Variants in PLBD2 observed in about 807,000 individuals in gnomAD.
PLBD2 encodes phospholipase B domain containing 2.
PLBD2 carries 51 observed loss-of-function variants against 68.3 expected under a neutral mutation model. That is an observed-to-expected ratio of 0.75 (90% CI 0.60 to 0.94). The LOEUF is 0.94. Among genes scored for constraint, PLBD2 ranks in the 40% least tolerant of loss-of-function variants. The probability of loss-of-function intolerance (pLI) is 0.00; values close to 1 mark genes in which losing one functional copy is unlikely to be tolerated. For missense variants in PLBD2, 729 were observed against 792.2 expected (o/e 0.92, Z 0.96); for synonymous variants, 314 against 339.3 (o/e 0.93, Z 0.82).
intron 6 of PLBD2, among the ~76,000 whole-genome samples, chr12:113,382,058 A>G (rs1957496029): frequency 6.6e-6 from 1 of 152,150 alleles, no homozygotes; most frequent in Non-Finnish European, 1.5e-5. Flanking sequence ...CCTGGGTTGA[A>G]GGGATCCTCC....
At chr12:113,361,335 T>G (rs1051882354) in intron 1 of PLBD2, among the ~76,000 whole-genome samples, 1 of 148,572 alleles carries the variant, frequency 6.7e-6, no homozygotes, top group African/African-American at 2.5e-5. Context: ...AGGTTTTTTT[T>G]TTTTTGTTTT....
Position 113,358,618 on chromosome 12 carries a change from C to G in PLBD2, c.18C>G (p.Tyr6Ter). The change falls in exon 1 of 12, where the codon TAC becomes TAG. Residue 6 changes from tyrosine (Y) to a stop codon, truncating the protein, a stop_gained. Coordinates refer to ENST00000280800, the MANE Select transcript of PLBD2 (RefSeq NM_173542.4). LOFTEE classifies it high-confidence loss of function. MVGQM[Y>*]CYPGSHLARA... Reference sequence around the variant, plus strand: ...GTGCGGTCATGGTGGGCCAGATGTACTGCTACCCCGGCAGCCACCTGGCCC... The same window carrying G: ...GTGCGGTCATGGTGGGCCAGATGTAGTGCTACCCCGGCAGCCACCTGGCCC... 2.0e-6 allele frequency: 3 copies of G among 1,469,580 alleles called. No homozygotes were observed. Among genetic ancestry groups the G allele is most frequent in the East Asian group, 6.0e-5 (2 of 33,162 alleles). The allele number at this position is 1,469,580 out of a possible 1,614,324, so 91.0% of individuals were successfully genotyped here.
At chr12:113,382,764 C>A (rs1957503404) in intron 6 of PLBD2, among the ~76,000 whole-genome samples, 1 of 149,372 alleles carries the variant, frequency 6.7e-6, no homozygotes, top group African/African-American at 2.5e-5. Flanking sequence ...AAGAAAAAAT[C>A]ACATTTATGG....
At position 113,374,909 on chromosome 12, in the gene PLBD2, A is replaced by G. The variant is rs139554738; in HGVS notation, c.761A>G (p.Gln254Arg). 1.8e-3 allele frequency: 2,829 copies of G among 1,614,156 alleles called. 3 individuals carry two copies. The highest frequency in any genetic ancestry group is 2.2e-3 in the Non-Finnish European group (2,570 of 1,180,042). ...CSALIKLLPG[Q>R]SDLLVAHNTW... ...GCCCTCATCAAGCTGCTCCCTGGCC[A>G]GAGTGACCTCCTGGTTGCCCACAAC... The change falls in exon 5 of 12, where the codon CAG becomes CGG. Residue 254 changes from glutamine to arginine, a missense_variant. Transcript: ENST00000280800.
intron 6 of PLBD2, 79 bp downstream of exon 6, chr12:113,380,921 G>GC: frequency 7.3e-7 from 1 of 1,363,060 alleles, no homozygotes; most frequent in Non-Finnish European, 1.0e-6. Flanking sequence ...ATTGATTCCT[G>GC]CGGCAAGTGG....
In PLBD2 at chr12:113,386,918, C is replaced by G; in HGVS notation, c.1287-19C>G. 6.2e-7 allele frequency: 1 copy of G among 1,611,302 alleles called. No individual in the cohort carries two copies. ...TGAGGCCAGTGGGGGTCATGGGTGA[C>G]CATCCTTGTCCCCGGCAGGTCCTTC... On this transcript the variant is annotated intron_variant, in intron 9 of 11. Coordinates refer to ENST00000280800, the MANE Select transcript of PLBD2 (RefSeq NM_173542.4).
intron 9 of PLBD2, among the ~76,000 whole-genome samples, chr12:113,386,026 T>C (rs910749596): frequency 1.3e-5 from 2 of 152,228 alleles, no homozygotes; most frequent in African/African-American, 2.4e-5. Context: ...GCTGGGATTA[T>C]AGGCATAAGT....
intron 1 of PLBD2, among the ~76,000 whole-genome samples, chr12:113,360,389 G>A (rs536417673): frequency 1.7e-4 from 26 of 152,236 alleles, no homozygotes; most frequent in Non-Finnish European, 2.5e-4. Flanking sequence ...GCGAGGAGGG[G>A]CAGGAGCGAG....
chr12:113,362,670 A>C (rs1957305810), intron 1 of PLBD2, among the ~76,000 whole-genome samples: 1 of 152,072 alleles, frequency 6.6e-6, no homozygotes, highest in Non-Finnish European at 1.5e-5. Flanking sequence ...TGCATTAAAA[A>C]CAAAGGAGAG....
At position 113,384,022 on chromosome 12, in the gene PLBD2, T is replaced by A; in HGVS notation, c.958-83T>A. The A allele has an allele frequency of 1.7e-6, 2 of 1,147,652 alleles. No homozygotes were observed. Among genetic ancestry groups the A allele is most frequent in the East Asian group, 2.9e-5 (1 of 34,584 alleles). 71.1% of individuals were successfully genotyped at this position (1,147,652 alleles called of 1,614,324 possible). A position where few individuals can be genotyped will look rare whatever the true frequency, so the allele number is the denominator to read the frequency against. On this transcript the variant is annotated intron_variant, in intron 6 of 11. Coordinates refer to ENST00000280800, the MANE Select transcript of PLBD2 (RefSeq NM_173542.4). The surrounding 1 kb of genome is among the most constrained non-coding windows in gnomAD (Gnocchi z 4.2). ...AAAAAAAAAAAAAAAAAAAAAAAAT[T>A]TTTGGAGCCATGACTGATGAAGTAC...
intron 1 of PLBD2, 81 bp downstream of exon 1, chr12:113,358,971 G>C: frequency 7.2e-7 from 1 of 1,395,770 alleles, no homozygotes; most frequent in Non-Finnish European, 9.4e-7. Flanking sequence ...TCCCGGGACC[G>C]GCCTCTTGCC....
chr12:113,364,351 G>A (rs904328860), intron 1 of PLBD2, among the ~76,000 whole-genome samples: 3 of 152,178 alleles, frequency 2.0e-5, no homozygotes, highest in African/African-American at 7.2e-5. Context: ...TTTGTCCGAG[G>A]TCTCCTTTGA....
At chr12:113,378,456 C>T (rs1957453625) in intron 5 of PLBD2, among the ~76,000 whole-genome samples, 1 of 152,056 alleles carries the variant, frequency 6.6e-6, no homozygotes, top group African/African-American at 2.4e-5. Flanking sequence ...TTTGCGACTT[C>T]CTTCTTTTGC....
chr12:113,359,254 C>T (rs1434779574), intron 1 of PLBD2: 1 of 211,444 alleles, frequency 4.7e-6, no homozygotes, highest in Non-Finnish European at 9.4e-6. Flanking sequence ...GACTTTGCCT[C>T]CTCACCCCAT....
Position 113,389,727 on chromosome 12 carries a change from G to A in PLBD2, c.*1101G>A, listed in dbSNP as rs1042431325. 1.3e-5 allele frequency: 2 copies of A among 150,868 alleles called. No individual in the cohort carries two copies. Among genetic ancestry groups the A allele is most frequent in the African/African-American group, 4.9e-5 (2 of 40,894 alleles). The allele number at this position is 150,868 out of a possible 1,614,324, so 9.3% of individuals were successfully genotyped here. A position where few individuals can be genotyped will look rare whatever the true frequency, so the allele number is the denominator to read the frequency against. On this transcript the variant is annotated 3_prime_UTR_variant, in exon 12 of 12. Coordinates refer to ENST00000280800, the MANE Select transcript of PLBD2 (RefSeq NM_173542.4). ...TTTTTTTTGTTTTTGTTTTTTCTGA[G>A]TGGGAGTTTCACTCTATTGCCCAGG...
At chr12:113,377,427 TG>T (rs780225609) in intron 5 of PLBD2, among the ~76,000 whole-genome samples, 3 of 152,058 alleles carry the variant, frequency 2.0e-5, no homozygotes, top group Non-Finnish European at 4.4e-5. Flanking sequence ...GTTTTTTGTT[TG>T]TTTGTTTGTT....
rs370770303 is a variant in PLBD2 at position 113,358,908 on chromosome 12, C to A, written c.290+18C>A. The A allele has an allele frequency of 4.7e-6, 7 of 1,500,538 alleles. No homozygotes were observed. The African/African-American group carries it at 1.0e-4, about 22-fold the overall frequency. The allele number at this position is 1,500,538 out of a possible 1,614,324, so 93.0% of individuals were successfully genotyped here. On this transcript the variant is annotated intron_variant, in intron 1 of 11. Transcript: ENST00000280800. ...GAGACTGGGTAAGGGTTGGCTTATC[C>A]CCACGCGGGGCCATCGGGGGAGGGG...
chr12:113,369,904 CTT>C (rs937651285), intron 2 of PLBD2, among the ~76,000 whole-genome samples: 5 of 143,898 alleles, frequency 3.5e-5, no homozygotes, highest in Non-Finnish European at 4.6e-5. Context: ...ATGAATTGTA[CTT>C]TTTTTTTTTT....
intron 1 of PLBD2, 146 bp from the exon 2 acceptor site, chr12:113,368,970 C>T (rs1022214238): frequency 1.8e-6 from 1 of 563,358 alleles, no homozygotes; most frequent in Non-Finnish European, 3.2e-6. Context: ...GGGATTTAAT[C>T]CGGCAAGCTC....
Sources: gnomAD v4.1 joint callset for allele counts (sites outside exome capture counted in the v4.1 genomes callset) on GRCh38, gnomAD v4.1.1 for gene constraint, Gnocchi (gnomAD v3.1) non-coding constraint, MANE v1.5 for transcripts, NCBI Gene and HGNC (gene_info 2026-07-23, HGNC 2026-07-21) for gene names.